NEK10: variants seen among roughly 807,000 people sequenced by gnomAD.
NEK10 encodes the protein NIMA related kinase 10, also known as serine/threonine-protein kinase Nek10.
In NEK10, 122 loss-of-function variants were observed where a neutral mutation model predicts 159.8. The observed-to-expected ratio is 0.76, with a 90% CI of 0.66 to 0.89. The LOEUF (loss-of-function observed/expected upper bound fraction) is 0.89. Among genes scored for constraint, NEK10 ranks in the 40% least tolerant of loss-of-function variants. The pLI, the probability that NEK10 is intolerant of heterozygous loss-of-function variation, is 0.00. For missense variants in NEK10, 1,342 were observed against 1,323.1 expected, an observed-to-expected ratio of 1.01 and a Z score of -0.22; for synonymous variants, 466 against 457.1, an observed-to-expected ratio of 1.02 and a Z score of -0.25.
chr3:27,274,822 A>G (rs2041648782), intron 22 of NEK10, among the ~76,000 whole-genome samples: 1 of 152,146 alleles, frequency 6.6e-6, no homozygotes, highest in African/African-American at 2.4e-5. Context: ...GTACCACTGA[A>G]TTAGTCTCTA....
chr3:27,366,948 T>C (rs1333164091), intron 1 of NEK10, among the ~76,000 whole-genome samples: 1 of 151,822 alleles, frequency 6.6e-6, no homozygotes, highest in Admixed American at 6.6e-5. Context: ...GTAGCGGGGA[T>C]TACAGGTGTG....
intron 31 of NEK10, among the ~76,000 whole-genome samples, chr3:27,134,620 G>A (rs2125537037): frequency 6.6e-6 from 1 of 152,288 alleles, no homozygotes; most frequent in Non-Finnish European, 1.5e-5. Flanking sequence ...AGTTAGAATT[G>A]TTTTTACTGC....
Position 27,109,016 on chromosome 3 carries a change from A to G in NEK10, c.*2256T>C, listed in dbSNP as rs552130861. Among the ~76,000 whole-genome samples the G allele has an allele frequency of 2.0e-5, 3 of 152,354 alleles. No homozygotes were observed. Among genetic ancestry groups the G allele is most frequent in the Admixed American group, 2.0e-4 (3 of 15,302 alleles). On this transcript the variant is annotated 3_prime_UTR_variant, in exon 36 of 36. Coordinates refer to ENST00000691995, the MANE Select transcript of NEK10 (RefSeq NM_001394966.1). ...AGGCCTGAAGCTGTTGTTAAAAAGGACAGCTTCTGCTTACTTAACTTTCAC... is the reference window on the plus strand; with the variant it reads ...AGGCCTGAAGCTGTTGTTAAAAAGGGCAGCTTCTGCTTACTTAACTTTCAC...
chr3:27,194,048 G>A (rs1418393958), intron 25 of NEK10: 2 of 151,870 alleles, frequency 1.3e-5, no homozygotes, highest in African/African-American at 2.4e-5. Flanking sequence ...GGATTCCCAG[G>A]AACATTTCCT....
intron 3 of NEK10, among the ~76,000 whole-genome samples, chr3:27,351,653 G>A (rs184119631): frequency 2.0e-4 from 31 of 152,166 alleles, no homozygotes; most frequent in African/African-American, 7.5e-4. Flanking sequence ...TGGTAAATGT[G>A]ATTGATATAA....
At chr3:27,282,367 G>A (rs2042222995) in intron 22 of NEK10, among the ~76,000 whole-genome samples, 2 of 151,638 alleles carry the variant, frequency 1.3e-5, no homozygotes, top group African/African-American at 4.8e-5. Context: ...CCAGGCTACT[G>A]CAATAAAAGA....
At chr3:27,178,038 C>A (rs978117229) in intron 26 of NEK10, among the ~76,000 whole-genome samples, 3 of 152,072 alleles carry the variant, frequency 2.0e-5, no homozygotes, top group Non-Finnish European at 2.9e-5. Flanking sequence ...TTCCGGATAT[C>A]AATACGGCGG....
intron 25 of NEK10, among the ~76,000 whole-genome samples, chr3:27,198,850 T>C (rs1391571846): frequency 6.6e-6 from 1 of 151,780 alleles, no homozygotes; most frequent in Non-Finnish European, 1.5e-5. Flanking sequence ...GGCGTGTAGA[T>C]CATGAGGTCA....
intron 22 of NEK10, among the ~76,000 whole-genome samples, chr3:27,266,092 A>T (rs1476968826): frequency 6.6e-6 from 1 of 152,184 alleles, no homozygotes; most frequent in Non-Finnish European, 1.5e-5. Context: ...GGCGTGAGCC[A>T]CTGCGCCCGG....
At chr3:27,233,972 A>T (rs1451464861) in intron 23 of NEK10, among the ~76,000 whole-genome samples, 1 of 152,128 alleles carries the variant, frequency 6.6e-6, no homozygotes, top group African/African-American at 2.4e-5. Context: ...AACATACGCA[A>T]ATCAATAAAT....
intron 30 of NEK10, among the ~76,000 whole-genome samples, chr3:27,157,302 T>C (rs941658069): frequency 6.6e-6 from 1 of 151,826 alleles, no homozygotes; most frequent in Admixed American, 6.6e-5. Context: ...CAATAACTTA[T>C]GGAAAGAAAT....
At chr3:27,185,268 T>G (rs2148940459) in intron 26 of NEK10, among the ~76,000 whole-genome samples, 1 of 152,340 alleles carries the variant, frequency 6.6e-6, no homozygotes, top group East Asian at 1.9e-4. Context: ...ATAGGAATCT[T>G]TTTTTAGATT....
intron 11 of NEK10, among the ~76,000 whole-genome samples, chr3:27,305,621 A>AT (rs1221115544): frequency 2.2e-5 from 2 of 92,060 alleles, no homozygotes; most frequent in South Asian, 2.8e-4. Context: ...GACTAAAAAA[A>AT]AAAAAAAAAT....
At chr3:27,334,293 G>A (rs1053603075) in intron 5 of NEK10, among the ~76,000 whole-genome samples, 2 of 152,072 alleles carry the variant, frequency 1.3e-5, no homozygotes, top group African/African-American at 4.8e-5. Flanking sequence ...GCATTACTTG[G>A]GACTTAGAGG....
intron 4 of NEK10, among the ~76,000 whole-genome samples, 196 bp downstream of exon 4, chr3:27,345,890 C>T (rs757767733): frequency 1.3e-5 from 2 of 152,176 alleles, no homozygotes; most frequent in African/African-American, 4.8e-5. Flanking sequence ...GTCAGTTCCA[C>T]CTGTACCCAT....
intron 22 of NEK10, among the ~76,000 whole-genome samples, chr3:27,257,646 T>C (rs1294286300): frequency 6.6e-6 from 1 of 152,168 alleles, no homozygotes; most frequent in Non-Finnish European, 1.5e-5. Flanking sequence ...GAAAGACAGG[T>C]ATTATCATTA....
intron 22 of NEK10, among the ~76,000 whole-genome samples, chr3:27,257,143 T>C (rs896702115): frequency 7.9e-5 from 12 of 152,210 alleles, no homozygotes; most frequent in Non-Finnish European, 1.6e-4. Context: ...CTTGAACTCC[T>C]GACCTTGTGA....
intron 5 of NEK10, among the ~76,000 whole-genome samples, chr3:27,339,953 T>C (rs1369268064): frequency 1.3e-5 from 2 of 152,206 alleles, no homozygotes; most frequent in African/African-American, 2.4e-5. Context: ...AGCATGGTAA[T>C]TCCTCAAGGA....
intron 15 of NEK10, 127 bp downstream of exon 15, chr3:27,295,486 T>A (rs1452526618): frequency 5.5e-6 from 6 of 1,095,818 alleles, no homozygotes; most frequent in East Asian, 6.3e-5. Flanking sequence ...TTGCCAGATA[T>A]TTTTCCCTCA....
Sources: gnomAD v4.1 joint callset for allele counts (sites outside exome capture counted in the v4.1 genomes callset) on GRCh38, gnomAD v4.1.1 for gene constraint, MANE v1.5 for transcripts, NCBI Gene and HGNC (gene_info 2026-07-23, HGNC 2026-07-21) for gene names.